The following MACROD2 variants were observed in gnomAD, a reference collection of about 807,000 sequenced individuals.
The protein encoded by MACROD2 is ADP-ribose glycohydrolase MACROD2.
A neutral mutation model predicts 70.4 loss-of-function variants in MACROD2; 36 were observed. The observed-to-expected ratio is 0.51, with a 90% CI of 0.39 to 0.68. The LOEUF (loss-of-function observed/expected upper bound fraction) is 0.68. Among genes scored for constraint, MACROD2 ranks in the 30% least tolerant of loss-of-function variants. The pLI is 0.00. For synonymous variants in MACROD2, 172 were observed against 178.8 expected (o/e 0.96, Z 0.30); for missense variants, 496 against 538.4 (o/e 0.92, Z 0.78).
chr20:14,696,473 C>A (rs1036434458), intron 5 of MACROD2, among the ~76,000 whole-genome samples: 2 of 151,974 alleles, frequency 1.3e-5, no homozygotes, highest in Non-Finnish European at 2.9e-5. Context: ...GTTGTGATGC[C>A]CTTCTAAATG....
At chr20:14,172,154 A>G (rs530262203) in intron 3 of MACROD2, among the ~76,000 whole-genome samples, 59 of 151,522 alleles carry the variant, frequency 3.9e-4, no homozygotes, top group Admixed American at 1.7e-3. Flanking sequence ...AGGAATAGGT[A>G]CTCCTGCTTG....
At chr20:15,622,774 G>C (rs1247255646) in intron 8 of MACROD2, among the ~76,000 whole-genome samples, 1 of 152,142 alleles carries the variant, frequency 6.6e-6, no homozygotes, top group Non-Finnish European at 1.5e-5. Context: ...GAGAGAGAGA[G>C]ACCACATTCA....
chr20:14,178,149 A>C (rs1295698791), intron 3 of MACROD2, among the ~76,000 whole-genome samples: 1 of 152,154 alleles, frequency 6.6e-6, no homozygotes, highest in Non-Finnish European at 1.5e-5. Flanking sequence ...GATATCCCTA[A>C]TACATAAAAA....
At chr20:14,832,374 GA>G (rs2072981084) in intron 5 of MACROD2, among the ~76,000 whole-genome samples, 2 of 152,008 alleles carry the variant, frequency 1.3e-5, no homozygotes, top group South Asian at 4.2e-4. Context: ...GGGGGTTGAA[GA>G]ATGAGAGGGA....
chr20:14,825,411 T>C (rs2072890426), intron 5 of MACROD2, among the ~76,000 whole-genome samples: 1 of 152,064 alleles, frequency 6.6e-6, no homozygotes, highest in South Asian at 2.1e-4. Context: ...TGGTACCTTT[T>C]TCCTGAAGTA....
intron 5 of MACROD2, among the ~76,000 whole-genome samples, chr20:15,057,207 A>T (rs1395254715): frequency 6.6e-6 from 1 of 152,210 alleles, no homozygotes; most frequent in East Asian, 1.9e-4. Context: ...TATTAAAGTA[A>T]CTTTTCTTTA....
intron 8 of MACROD2, among the ~76,000 whole-genome samples, chr20:15,649,330 T>C (rs2049609424): frequency 6.6e-6 from 1 of 151,700 alleles, no homozygotes; most frequent in African/African-American, 2.4e-5. Context: ...TGTATTCAAT[T>C]ATAAGAGTAT....
intron 8 of MACROD2, among the ~76,000 whole-genome samples, chr20:15,744,533 G>T (rs1404933137): frequency 6.6e-6 from 1 of 151,850 alleles, no homozygotes; most frequent in Non-Finnish European, 1.5e-5. Flanking sequence ...GGTTAAATGA[G>T]CCCTGTCAAA....
chr20:15,991,235 T>C (rs2066554381), intron 15 of MACROD2, among the ~76,000 whole-genome samples: 1 of 152,192 alleles, frequency 6.6e-6, no homozygotes, highest in African/African-American at 2.4e-5. Context: ...GTGGGAAACA[T>C]CTTTTTTTGC....
chr20:14,175,962 A>G (rs1327715052), intron 3 of MACROD2, among the ~76,000 whole-genome samples: 1 of 152,196 alleles, frequency 6.6e-6, no homozygotes, highest in African/African-American at 2.4e-5. Context: ...CTAATTTTTC[A>G]TGCATTACTT....
At chr20:14,390,308 A>C (rs2083512985) in intron 3 of MACROD2, among the ~76,000 whole-genome samples, 1 of 152,190 alleles carries the variant, frequency 6.6e-6, no homozygotes, top group African/African-American at 2.4e-5. Context: ...TATAAAAAAG[A>C]CCATACTGCC....
intron 3 of MACROD2, among the ~76,000 whole-genome samples, chr20:14,138,762 TCCACACACAC>T (rs1327527365): frequency 2.4e-5 from 2 of 81,698 alleles, no homozygotes; most frequent in African/African-American, 5.5e-5. Flanking sequence ...TCTTAAGTTT[TCCACACACAC>T]ACACACACAC....
At chr20:14,533,945 T>C (rs2085335466) in intron 4 of MACROD2, among the ~76,000 whole-genome samples, 1 of 152,222 alleles carries the variant, frequency 6.6e-6, no homozygotes, top group Non-Finnish European at 1.5e-5. Flanking sequence ...AGCAACTATG[T>C]TTAACTTATC....
At chr20:14,792,115 A>G (rs2072457641) in intron 5 of MACROD2, among the ~76,000 whole-genome samples, 1 of 151,992 alleles carries the variant, frequency 6.6e-6, no homozygotes, top group South Asian at 2.1e-4. Context: ...GCCTCATATC[A>G]TGTATCATGC....
At chr20:14,006,479 A>G (rs1018088916) in intron 2 of MACROD2, among the ~76,000 whole-genome samples, 2 of 152,206 alleles carry the variant, frequency 1.3e-5, no homozygotes, top group Admixed American at 6.5e-5. Flanking sequence ...AAAAGATGGC[A>G]TATTTTTGTT....
At chr20:14,777,198 A>G (rs1398872210) in intron 5 of MACROD2, among the ~76,000 whole-genome samples, 1 of 152,096 alleles carries the variant, frequency 6.6e-6, no homozygotes, top group East Asian at 1.9e-4. Context: ...AGGTCATAGT[A>G]TGCATATGTT....
At chr20:15,496,954 G>A (rs541989169) in intron 7 of MACROD2, among the ~76,000 whole-genome samples, 2 of 152,154 alleles carry the variant, frequency 1.3e-5, no homozygotes, top group Non-Finnish European at 2.9e-5. Flanking sequence ...TCTGGGTGAG[G>A]GCCGATCAGA....
intron 7 of MACROD2, among the ~76,000 whole-genome samples, chr20:15,437,054 T>C (rs2046436503): frequency 6.6e-6 from 1 of 152,180 alleles, no homozygotes; most frequent in Admixed American, 6.5e-5. Flanking sequence ...CATAAACTAG[T>C]GCTTTCAAAA....
chr20:14,438,595 A>G (rs1461266161), intron 3 of MACROD2, among the ~76,000 whole-genome samples: 1 of 152,160 alleles, frequency 6.6e-6, no homozygotes, highest in African/African-American at 2.4e-5. Context: ...TTTTTTGATA[A>G]CAGTCATCCT....
Sources: gnomAD v4.1 joint callset for allele counts (sites outside exome capture counted in the v4.1 genomes callset) on GRCh38, gnomAD v4.1.1 for gene constraint, MANE v1.5 for transcripts, NCBI Gene and HGNC (gene_info 2026-07-23, HGNC 2026-07-21) for gene names.